The following SDK2 variants were observed in gnomAD, a reference collection of about 807,000 sequenced individuals.
SDK2 encodes sidekick cell adhesion molecule 2, also known as protein sidekick-2.
Under a neutral mutation model 253.9 loss-of-function variants are expected in SDK2, and 105 were observed. The observed-to-expected ratio is 0.41, with a 90% CI of 0.35 to 0.49. SDK2 has a LOEUF of 0.49. Ranked by LOEUF, SDK2 falls within the 20% of genes least tolerant of loss-of-function variation. The probability of loss-of-function intolerance (pLI) is 0.06; values close to 1 mark genes in which losing one functional copy is unlikely to be tolerated. For synonymous variants in SDK2, 1,249 were observed against 1,234.9 expected, an observed-to-expected ratio of 1.01 and a Z score of -0.24; for missense variants, 2,608 against 3,003.0, an observed-to-expected ratio of 0.87 and a Z score of 3.07.
chr17:73,427,283 G>C (rs887049938), intron 12 of SDK2, among the ~76,000 whole-genome samples: 12 of 152,212 alleles, frequency 7.9e-5, no homozygotes. Context: ...CTGTGAGACA[G>C]CAGCCAGGCC....
chr17:73,509,479 T>A (rs1027462236), intron 1 of SDK2, among the ~76,000 whole-genome samples: 1 of 152,010 alleles, frequency 6.6e-6, no homozygotes, highest in African/African-American at 2.4e-5. Context: ...CAGACAGCCT[T>A]CTTTTGGCTT....
rs1344062807 is a variant in SDK2 at position 73,335,163 on chromosome 17, G to A, written c.*3424C>T. The A allele has an allele frequency of 6.6e-6, 1 of 152,634 alleles. No homozygotes were observed. The highest frequency in any genetic ancestry group is 2.4e-5 in the African/African-American group (1 of 41,458). The allele number at this position is 152,634 out of a possible 1,614,324, so 9.5% of individuals were successfully genotyped here. A position where few individuals can be genotyped will look rare whatever the true frequency, so the allele number is the denominator to read the frequency against. On this transcript the variant is annotated 3_prime_UTR_variant, in exon 45 of 45. Coordinates refer to ENST00000392650, the MANE Select transcript of SDK2 (RefSeq NM_001144952.2). ...TGCAAACTCTCTGGAGCCCTAGGAG[G>A]ATGGTGGTTCTGGAGCCCAGAGCAT...
At chr17:73,637,664 C>T (rs914637224) in intron 1 of SDK2, among the ~76,000 whole-genome samples, 8 of 152,216 alleles carry the variant, frequency 5.3e-5, no homozygotes, top group African/African-American at 1.7e-4. Flanking sequence ...CATGAGCCAC[C>T]GCGCCTGGAG....
chr17:73,417,125 C>T (rs1350110600), intron 16 of SDK2, among the ~76,000 whole-genome samples: 3 of 151,408 alleles, frequency 2.0e-5, no homozygotes, highest in Non-Finnish European at 2.9e-5. Flanking sequence ...TGGATTGGGC[C>T]GGGCATGGTG....
rs2046426858 is a variant in SDK2, at chr17:73,643,713, C to T, written c.64+312G>A. 6.6e-6 allele frequency among the ~76,000 whole-genome samples: 1 copy of T among 152,076 alleles called. No individual in the cohort carries two copies. Among genetic ancestry groups the T allele is most frequent in the African/African-American group, 2.4e-5 (1 of 41,442 alleles). ...CACGGAATGTCGCTCCCCTCCCAAG[C>T]CGGCGCAGGGCAGCCACAGCAGACG... On this transcript the variant is annotated intron_variant, in intron 1 of 44. Coordinates refer to ENST00000392650, the MANE Select transcript of SDK2 (RefSeq NM_001144952.2). This position sits in a 1 kb window ranked among gnomAD's most constrained non-coding sequence, Gnocchi z 6.9.
intron 36 of SDK2, among the ~76,000 whole-genome samples, chr17:73,370,673 T>G (rs996669463): frequency 6.6e-5 from 10 of 151,988 alleles, no homozygotes; most frequent in Non-Finnish European, 1.5e-4. Context: ...TCCTCCCGCC[T>G]CAGCCCCCCA....
rs573561709 is a variant in SDK2, at chr17:73,388,329, C to T, written c.4193-292G>A. ...GACGGTGAGGAGTGACAAACACCCACCCAGCTCCTTTGCTCCTGCCTGAAA... is the reference window on the plus strand; with the variant it reads ...GACGGTGAGGAGTGACAAACACCCATCCAGCTCCTTTGCTCCTGCCTGAAA... On this transcript the variant is annotated intron_variant, in intron 29 of 44. Coordinates refer to ENST00000392650, the MANE Select transcript of SDK2 (RefSeq NM_001144952.2). Among the ~76,000 whole-genome samples the T allele has an allele frequency of 2.4e-3, 360 of 152,318 alleles. 2 individuals carry two copies. The highest frequency in any genetic ancestry group is 3.1e-3 in the Non-Finnish European group (214 of 68,026).
intron 1 of SDK2, among the ~76,000 whole-genome samples, chr17:73,610,326 C>T (rs1003838716): frequency 6.6e-6 from 1 of 152,178 alleles, no homozygotes; most frequent in African/African-American, 2.4e-5. Context: ...TAGGGCACCC[C>T]GAAATGCACC....
chr17:73,555,219 G>A (rs1377452011), intron 1 of SDK2, among the ~76,000 whole-genome samples: 1 of 152,252 alleles, frequency 6.6e-6, no homozygotes, highest in African/African-American at 2.4e-5. Context: ...AGGAGTAACA[G>A]GAGTGCTGTC....
chr17:73,619,212 A>G (rs529895377), intron 1 of SDK2, among the ~76,000 whole-genome samples: 4 of 151,864 alleles, frequency 2.6e-5, no homozygotes, highest in Admixed American at 2.0e-4. Context: ...TGGGGAGTGA[A>G]CCAAAGTGGG....
chr17:73,438,994 T>C (rs1043518930), intron 6 of SDK2, among the ~76,000 whole-genome samples: 9 of 152,200 alleles, frequency 5.9e-5, no homozygotes, highest in Non-Finnish European at 1.0e-4. Context: ...CTGGTGGCCT[T>C]GCCCAAGTCC....
At chr17:73,386,611 C>A in intron 30 of SDK2, 63 bp from the exon 31 acceptor site, 1 of 1,094,144 alleles carries the variant, frequency 9.1e-7, no homozygotes, top group East Asian at 2.6e-5. Context: ...CCCATGCTCC[C>A]ACCAAGGAGT....
chr17:73,442,515 A>G (rs1445270530), intron 5 of SDK2, among the ~76,000 whole-genome samples: 1 of 151,954 alleles, frequency 6.6e-6, no homozygotes. Flanking sequence ...TAATTTTTGT[A>G]TTTTTAGTAG....
At chr17:73,556,052 T>C (rs1599675575) in intron 1 of SDK2, among the ~76,000 whole-genome samples, 1 of 151,924 alleles carries the variant, frequency 6.6e-6, no homozygotes, top group East Asian at 1.9e-4. Flanking sequence ...GCACTGTCCA[T>C]GGGGCTTGGG....
chr17:73,436,013 CA>C (rs1054684757), intron 8 of SDK2, among the ~76,000 whole-genome samples: 3 of 152,112 alleles, frequency 2.0e-5, no homozygotes, highest in African/African-American at 7.2e-5. Context: ...CTCAGCCTCC[CA>C]AAGTGCTAGG....
intron 1 of SDK2, among the ~76,000 whole-genome samples, chr17:73,562,645 G>T (rs2045254434): frequency 6.6e-6 from 1 of 152,142 alleles, no homozygotes. Context: ...CAAGGATGAG[G>T]ATGGGGAGAT....
chr17:73,419,546 G>A lies in SDK2; in HGVS notation c.2046-240C>T, dbSNP rs550510191. On this transcript the variant is annotated intron_variant, in intron 15 of 44. Transcript: ENST00000392650. ...AAATGATACTACATATATAGTCTCT[G>A]TGTATATGTGGATATATGTATATGT... 4.6e-5 allele frequency among the ~76,000 whole-genome samples: 7 copies of A among 152,076 alleles called. No homozygotes were observed. In the East Asian group the frequency reaches 1.3e-3, roughly 29 times the overall value.
chr17:73,559,936 C>CT (rs1324375005), intron 1 of SDK2, among the ~76,000 whole-genome samples: 57 of 152,330 alleles, frequency 3.7e-4, no homozygotes, highest in African/African-American at 1.3e-3. Flanking sequence ...TCCTCTGTAT[C>CT]TTTAGCTTGC....
chr17:73,570,216 ACACCCC>A lies in SDK2; in HGVS notation c.65-62625_65-62620del, dbSNP rs377363748. Among the ~76,000 whole-genome samples, 23,388 of 151,750 alleles carry A rather than the reference ACACCCC, an allele frequency of 0.15. 1,907 individuals are homozygous for A. Among genetic ancestry groups the A allele is most frequent in the South Asian group, 0.2 (952 of 4,800 alleles). On this transcript the variant is annotated intron_variant, in intron 1 of 44. Transcript: ENST00000392650. The surrounding 1 kb of genome is among the most constrained non-coding windows in gnomAD (Gnocchi z 4.2). ...GCCTTGCTACCTCCCCTCCCTGTTTACACCCCTGCCTCCTAAGCACAGCCCGGCCTC... is the reference window on the plus strand; with the variant it reads ...GCCTTGCTACCTCCCCTCCCTGTTTATGCCTCCTAAGCACAGCCCGGCCTC...
Sources: allele counts gnomAD v4.1 joint callset (sites outside exome capture counted in the v4.1 genomes callset), GRCh38; gene constraint gnomAD v4.1.1; non-coding constraint Gnocchi (gnomAD v3.1); transcripts MANE v1.5; gene names NCBI Gene and HGNC (gene_info 2026-07-23, HGNC 2026-07-21).